NUCB2: variants seen among roughly 807,000 people sequenced by gnomAD.
The protein encoded by NUCB2 is nucleobindin 2.
In NUCB2, 48 loss-of-function variants were observed where a neutral mutation model predicts 57.9. That is an observed-to-expected ratio of 0.83 (90% CI 0.66 to 1.05). NUCB2 has a LOEUF of 1.05. NUCB2 is among the 50% of genes least tolerant of loss of function. NUCB2 has a pLI of 0.00. For synonymous variants in NUCB2, 139 were observed against 152.1 expected (o/e 0.91, Z 0.64); for missense variants, 442 against 476.2 (o/e 0.93, Z 0.67).
intron 5 of NUCB2, among the ~76,000 whole-genome samples, chr11:17,307,242 A>G (rs1168233117): frequency 1.3e-5 from 2 of 149,724 alleles, no homozygotes; most frequent in Non-Finnish European, 3.0e-5. Flanking sequence ...TAGAGCAAAA[A>G]TCTACCTGAT....
At chr11:17,311,728 C>T in intron 8 of NUCB2, 144 bp from the exon 9 acceptor site, 1 of 540,002 alleles carries the variant, frequency 1.9e-6, no homozygotes, top group Non-Finnish European at 3.3e-6. Flanking sequence ...TCTAAAGCTT[C>T]ATGACAAAGA....
chr11:17,295,548 G>T, intron 3 of NUCB2, 81 bp downstream of exon 3: 1 of 1,048,816 alleles, frequency 9.5e-7, no homozygotes, highest in East Asian at 2.5e-5. Flanking sequence ...GTGGAATGAG[G>T]TGAAACTATA....
At chr11:17,336,593 A>G (rs1951816584), downstream of NUCB2, among the ~76,000 whole-genome samples, 1 of 151,370 alleles carries the variant, frequency 6.6e-6, no homozygotes, top group Non-Finnish European at 1.5e-5. Context: ...TCTCTACTAA[A>G]AATACAAAAA....
At chr11:17,280,237 C>T (rs993848963) in intron 1 of NUCB2, among the ~76,000 whole-genome samples, 2 of 152,156 alleles carry the variant, frequency 1.3e-5, no homozygotes, top group Admixed American at 6.5e-5. Context: ...TACTCCAATC[C>T]GTTGTTAAGA....
rs541754269 is a variant in NUCB2, at chr11:17,282,210, A to G, written c.-155-579A>G. 7.3e-4 allele frequency among the ~76,000 whole-genome samples: 58 copies of G among 79,734 alleles called. No individual in the cohort carries two copies. In the East Asian group the frequency reaches 0.039, roughly 53 times the overall value. 52.3% of individuals were successfully genotyped at this position (79,734 alleles called of 152,430 possible). On this transcript the variant is annotated intron_variant, in intron 1 of 13. Coordinates refer to ENST00000529010, the MANE Select transcript of NUCB2 (RefSeq NM_005013.4). ...AATCTATATCTATATCTATATATCT[A>G]TATCTATATCTATCTATCTATCTAT...
intron 8 of NUCB2, among the ~76,000 whole-genome samples, chr11:17,311,576 AT>A (rs533935564): frequency 3.9e-5 from 6 of 152,212 alleles, no homozygotes; most frequent in Non-Finnish European, 8.8e-5. Flanking sequence ...AATAGGCTTT[AT>A]ACTATAATAT....
chr11:17,302,884 G>A (rs1274653905), intron 5 of NUCB2, among the ~76,000 whole-genome samples: 4 of 151,896 alleles, frequency 2.6e-5, no homozygotes, highest in Non-Finnish European at 4.4e-5. Flanking sequence ...GACTACAGGC[G>A]CCCACTACCA....
chr11:17,305,328 AAAAAG>A (rs1411305421), intron 5 of NUCB2, among the ~76,000 whole-genome samples: 1 of 152,232 alleles, frequency 6.6e-6, no homozygotes, highest in East Asian at 1.9e-4. Flanking sequence ...TGTCTCAAAA[AAAAAG>A]AAAAGAAAAA....
At chr11:17,337,949 TA>T (rs1337104847) in intron 2 of NUCB2, among the ~76,000 whole-genome samples, 1 of 152,186 alleles carries the variant, frequency 6.6e-6, no homozygotes, top group Non-Finnish European at 1.5e-5. Context: ...CCTTGATTTT[TA>T]AAAAGACCTA....
At chr11:17,312,475 C>T (rs1243422269) in intron 10 of NUCB2, among the ~76,000 whole-genome samples, 1 of 151,734 alleles carries the variant, frequency 6.6e-6, no homozygotes, top group Non-Finnish European at 1.5e-5. Context: ...GCGACCTCGG[C>T]TCACTGCAAC....
chr11:17,310,880 A>G lies in NUCB2; in HGVS notation c.539A>G (p.Tyr180Cys). ...DKTRHEEFKK[Y>C]EMMKEHERRE... ...ACTCGTCATGAAGAATTTAAAAAAT[A>G]TGAAATGATGAAGGAACATGAAAGG... The change falls in exon 7 of 14, where the codon TAT (tyrosine) becomes TGT (cysteine). Residue 180 changes from tyrosine to cysteine, a missense_variant. Coordinates refer to ENST00000529010, the MANE Select transcript of NUCB2 (RefSeq NM_005013.4). 1 of 1,594,858 alleles carries G rather than the reference A, an allele frequency of 6.3e-7. No homozygotes were observed. Among genetic ancestry groups the G allele is most frequent in the East Asian group, 2.2e-5 (1 of 44,634 alleles).
chr11:17,285,125 T>C (rs928191834), intron 2 of NUCB2, among the ~76,000 whole-genome samples: 2 of 152,044 alleles, frequency 1.3e-5, no homozygotes, highest in African/African-American at 4.8e-5. Context: ...TTGAGGAAGA[T>C]GGAAAAAGAT....
rs1238322399 is a variant in NUCB2, at chr11:17,331,648, T to C, written c.*229T>C. ...TCACTGTCTGCTCTCTGCTCTCACA[T>C]TCACACGGCTCTTTTATTTATTTTT... On this transcript the variant is annotated 3_prime_UTR_variant, in exon 14 of 14. Coordinates refer to ENST00000529010, the MANE Select transcript of NUCB2 (RefSeq NM_005013.4). 1 of 381,212 alleles carries C rather than the reference T, an allele frequency of 2.6e-6. No individual in the cohort carries two copies. The highest frequency in any genetic ancestry group is 4.7e-6 in the Non-Finnish European group (1 of 211,890). The allele number at this position is 381,212 out of a possible 1,614,324, so 23.6% of individuals were successfully genotyped here. A position where few individuals can be genotyped will look rare whatever the true frequency, so the allele number is the denominator to read the frequency against.
intron 4 of NUCB2, among the ~76,000 whole-genome samples, chr11:17,300,713 A>T (rs1361271910): frequency 6.6e-6 from 1 of 152,180 alleles, no homozygotes; most frequent in Non-Finnish European, 1.5e-5. Flanking sequence ...GGCGAGTATG[A>T]ATATGCAGCT....
At chr11:17,286,141 T>C (rs12285450) in intron 2 of NUCB2, among the ~76,000 whole-genome samples, 2,844 of 152,242 alleles carry the variant, frequency 0.019, 91 homozygotes, top group African/African-American at 0.065. Context: ...TCAGGTGATC[T>C]TCCCACCTCA....
chr11:17,324,274 T>C (rs764810374), intron 11 of NUCB2, among the ~76,000 whole-genome samples: 4 of 152,186 alleles, frequency 2.6e-5, no homozygotes, highest in Admixed American at 1.3e-4. Flanking sequence ...TTTCAAGAAA[T>C]GTTTCAATTT....
At chr11:17,294,613 T>C (rs1388095708) in intron 2 of NUCB2, among the ~76,000 whole-genome samples, 2 of 149,926 alleles carry the variant, frequency 1.3e-5, no homozygotes, top group African/African-American at 2.5e-5. Context: ...CCACCTAGGG[T>C]TGTGGTGAAA....
intron 2 of NUCB2, among the ~76,000 whole-genome samples, chr11:17,347,216 C>A (rs1185254225): frequency 6.6e-6 from 1 of 152,218 alleles, no homozygotes; most frequent in African/African-American, 2.4e-5. Context: ...ACAGGTGATA[C>A]ACAAAGGGTT....
chr11:17,331,243 T>A, intron 13 of NUCB2, 169 bp from the exon 14 acceptor site: 1 of 527,872 alleles, frequency 1.9e-6, no homozygotes, highest in South Asian at 3.4e-5. Flanking sequence ...TCAACTTTAT[T>A]TGTAATTCTT....
Sources: gnomAD v4.1 joint callset for allele counts (sites outside exome capture counted in the v4.1 genomes callset) on GRCh38, gnomAD v4.1.1 for gene constraint, MANE v1.5 for transcripts, NCBI Gene and HGNC (gene_info 2026-07-23, HGNC 2026-07-21) for gene names.